Variants in EDEM1 observed in about 807,000 individuals in gnomAD.
EDEM1 encodes the protein ER degradation enhancing alpha-mannosidase like protein 1, also known as ER degradation-enhancing alpha-mannosidase-like protein 1.
A neutral mutation model predicts 74.4 loss-of-function variants in EDEM1; 67 were observed. That is an observed-to-expected ratio of 0.90 (90% confidence interval 0.74 to 1.10). The LOEUF is 1.10. Ranked by LOEUF, EDEM1 falls within the 50% of genes least tolerant of loss-of-function variation. EDEM1 has a pLI of 0.00. For synonymous variants in EDEM1, 382 were observed against 335.9 expected (o/e 1.14, Z -1.50); for missense variants, 926 against 851.6 (o/e 1.09, Z -1.09).
chr3:5,201,603 G>A (rs1340398272), intron 3 of EDEM1, 150 bp from the exon 4 acceptor site: 10 of 769,484 alleles, frequency 1.3e-5, no homozygotes, highest in Non-Finnish European at 2.1e-5. Flanking sequence ...GAGCTAGAAA[G>A]GAATTCAAGA....
chr3:5,213,234 C>G lies in EDEM1; in HGVS notation c.1681-85C>G, dbSNP rs2055188747. The G allele has an allele frequency of 3.9e-5, 53 of 1,354,044 alleles. 1 individual carries two copies. In the South Asian group the frequency reaches 6.2e-4, roughly 16 times the overall value. 83.9% of individuals were successfully genotyped at this position (1,354,044 alleles called of 1,614,324 possible). On this transcript the variant is annotated intron_variant, in intron 10 of 11. Coordinates refer to ENST00000256497, the MANE Select transcript of EDEM1 (RefSeq NM_014674.3). ...GCATGAGGCCCAAGCAAATTCTACT[C>G]CCTGAGTAGCTGGGACACGCCCCCA... is the stretch of plus-strand genomic sequence containing the variant.
At chr3:5,209,582 CTGTT>C (rs975928264) in intron 8 of EDEM1, among the ~76,000 whole-genome samples, 8 of 152,202 alleles carry the variant, frequency 5.3e-5, no homozygotes, top group African/African-American at 1.2e-4. Flanking sequence ...AACTTTTAAA[CTGTT>C]TGTTGGATAA....
At position 5,188,173 on chromosome 3, in the gene EDEM1, C is replaced by G; in HGVS notation, c.368C>G (p.Pro123Arg). ...GAGAAGCGCTACAGCGGCGCCTTCC[C>G]TCCGCAGCTGCGTGCCCAGATGCGC... ...EYEKRYSGAFPPQLRAQMRDL... is the reference protein window; with the variant it reads ...EYEKRYSGAFRPQLRAQMRDL... Residue 123 changes from proline (P) to arginine (R), a missense_variant, in exon 1 of 12, where the codon CCT becomes CGT. By Grantham distance (103) the Pro-to-Arg change is moderately radical (BLOSUM62 -2). Transcript: ENST00000256497. The G allele has an allele frequency of 6.4e-7, 1 of 1,560,014 alleles. No individual in the cohort carries two copies. Among genetic ancestry groups the G allele is most frequent in the South Asian group, 1.2e-5 (1 of 84,438 alleles).
At chr3:5,212,542 T>TG (rs774822466) in intron 10 of EDEM1, among the ~76,000 whole-genome samples, 47 of 152,362 alleles carry the variant, frequency 3.1e-4, no homozygotes, top group South Asian at 1.0e-3. Context: ...GGAAAACCTG[T>TG]GGTCTACCCT....
At chr3:5,196,084 G>T (rs1200315209) in intron 2 of EDEM1, among the ~76,000 whole-genome samples, 1 of 152,178 alleles carries the variant, frequency 6.6e-6, no homozygotes, top group Non-Finnish European at 1.5e-5. Flanking sequence ...TCTTATTGCA[G>T]TCTAGCCCAA....
intron 1 of EDEM1, among the ~76,000 whole-genome samples, chr3:5,192,829 TAA>T (rs1426326308): frequency 1.3e-5 from 2 of 152,128 alleles, no homozygotes; most frequent in African/African-American, 4.8e-5. Flanking sequence ...AAGAAAGAAT[TAA>T]AAGTGTTCTA....
Position 5,205,136 on chromosome 3 carries a change from C to T in EDEM1, c.1112C>T (p.Ser371Phe). The T allele has an allele frequency of 6.2e-7, 1 of 1,614,208 alleles. No individual in the cohort carries two copies. The highest frequency in any genetic ancestry group is 1.1e-5 in the South Asian group (1 of 91,088). Residue 371 changes from serine (S) to phenylalanine (F), a missense_variant, in exon 6 of 12, where the codon TCC becomes TTC. Physicochemically the swap from Ser to Phe is radical, Grantham distance 155 (BLOSUM62 -2). Coordinates refer to ENST00000256497, the MANE Select transcript of EDEM1 (RefSeq NM_014674.3). ...AGTGGCCTGGGTGCCGGGCTGGACTCCTTCTATGAATACCTCTTGAAATCT... is the reference window on the plus strand; with the variant it reads ...AGTGGCCTGGGTGCCGGGCTGGACTTCTTCTATGAATACCTCTTGAAATCT... ...KQSGLGAGLD[S>F]FYEYLLKSYI...
chr3:5,211,090 G>A (rs1486772490), intron 9 of EDEM1, 30 bp from the exon 10 acceptor site: 4 of 1,606,226 alleles, frequency 2.5e-6, no homozygotes, highest in Non-Finnish European at 3.4e-6. Flanking sequence ...AAGGAAGAGA[G>A]GCAGGACTGA....
chr3:5,198,950 G>A (rs74837079), intron 2 of EDEM1, among the ~76,000 whole-genome samples: 3,244 of 152,152 alleles, frequency 0.021, 102 homozygotes, highest in African/African-American at 0.074. Context: ...GTGTGACGTC[G>A]TATCTACATA....
Position 5,207,153 on chromosome 3 carries a change from G to A in EDEM1, c.1218G>A (p.Gly406=). 1 of 1,613,944 alleles carries A rather than the reference G, an allele frequency of 6.2e-7. No individual in the cohort carries two copies. Among genetic ancestry groups the A allele is most frequent in the Non-Finnish European group, 8.5e-7 (1 of 1,179,958 alleles). The change falls in exon 7 of 12, where the codon GGG becomes GGA. Residue 406 remains glycine (G), a splice_region_variant and synonymous_variant. Coordinates refer to ENST00000256497, the MANE Select transcript of EDEM1 (RefSeq NM_014674.3). ...CTGAATGTGCTGCTTGGGTTTGCAG[G>A]CGGGAAGCCTGCAATGAAGGAGAAG... ...YQSIQNYLRR[G]REACNEGEGD...
At position 5,193,246 on chromosome 3, in the gene EDEM1, C is replaced by T. The variant is rs1346072719; in HGVS notation, c.510-1963C>T. On this transcript the variant is annotated intron_variant, in intron 1 of 11. Coordinates refer to ENST00000256497, the MANE Select transcript of EDEM1 (RefSeq NM_014674.3). Reference sequence around the variant, plus strand: ...TGTTGAAGCCCACTCTGTTTCTAAGCGGCAGAGCAACAGAGTGAAATATTT... The same window carrying T: ...TGTTGAAGCCCACTCTGTTTCTAAGTGGCAGAGCAACAGAGTGAAATATTT... Among the ~76,000 whole-genome samples the T allele has an allele frequency of 2.0e-5, 3 of 152,110 alleles. No homozygotes were observed. The East Asian group carries it at 5.8e-4, about 29-fold the overall frequency.
At chr3:5,190,614 G>C (rs1351069608) in intron 1 of EDEM1, among the ~76,000 whole-genome samples, 2 of 152,196 alleles carry the variant, frequency 1.3e-5, no homozygotes, top group Non-Finnish European at 2.9e-5. Flanking sequence ...TTATGCGTAA[G>C]TTAAGGTCAG....
intron 10 of EDEM1, among the ~76,000 whole-genome samples, chr3:5,212,502 C>CT (rs1483343021): frequency 6.6e-6 from 1 of 152,198 alleles, no homozygotes; most frequent in Non-Finnish European, 1.5e-5. Flanking sequence ...GGAGGGTGTG[C>CT]TAGCTGAAAG....
Position 5,219,503 on chromosome 3 carries a change from G to T in EDEM1, c.*3585G>T, listed in dbSNP as rs976177652. On this transcript the variant is annotated 3_prime_UTR_variant, in exon 12 of 12. Coordinates refer to ENST00000256497, the MANE Select transcript of EDEM1 (RefSeq NM_014674.3). ...TGTCCCAGGTTTCACAGGGCTCAGG[G>T]TTATGCTCCCGCTTGAATCTGGACG... is the stretch of plus-strand genomic sequence containing the variant. 1 of 152,186 alleles carries T rather than the reference G, an allele frequency of 6.6e-6. No homozygotes were observed. Among genetic ancestry groups the T allele is most frequent in the Admixed American group, 6.5e-5 (1 of 15,272 alleles). The allele number at this position is 152,186 out of a possible 1,614,324, so 9.4% of individuals were successfully genotyped here.
intron 2 of EDEM1, among the ~76,000 whole-genome samples, chr3:5,196,920 C>CTT (rs1376729577): frequency 0.013 from 2,008 of 149,248 alleles, 51 homozygotes; most frequent in African/African-American, 0.048. Flanking sequence ...GTCGTCTTTT[C>CTT]TTTTCTTTTC....
intron 6 of EDEM1, among the ~76,000 whole-genome samples, 164 bp downstream of exon 6, chr3:5,205,405 A>G (rs2055084919): frequency 6.6e-6 from 1 of 152,158 alleles, no homozygotes; most frequent in Non-Finnish European, 1.5e-5. Context: ...GAGCTGTGTT[A>G]TCTTTCTGTC....
rs1389529357 is a variant in EDEM1 at position 5,208,199 on chromosome 3, C to T, written c.1445C>T (p.Ala482Val). Residue 482 changes from alanine to valine, a missense_variant, in exon 8 of 12, where the codon GCC (alanine) becomes GTC (valine). Ala to Val is a moderately conservative substitution (Grantham distance 64). Coordinates refer to ENST00000256497, the MANE Select transcript of EDEM1 (RefSeq NM_014674.3). Reference sequence around the variant, plus strand: ...GAGAGATATAACTGGCAGCTGCAGGCCCCTGACGTTCTCTTCTACCCACTG... The same window carrying T: ...GAGAGATATAACTGGCAGCTGCAGGTCCCTGACGTTCTCTTCTACCCACTG... ...LPERYNWQLQ[A>V]PDVLFYPLRP... 1 of 1,613,900 alleles carries T rather than the reference C, an allele frequency of 6.2e-7. No individual in the cohort carries two copies. The highest frequency in any genetic ancestry group is 1.7e-5 in the Admixed American group (1 of 59,960).
chr3:5,215,906 T>C lies in EDEM1; in HGVS notation c.1962T>C (p.Val654=). The change falls in exon 12 of 12, where the codon GTT becomes GTC. Residue 654 remains valine (V), a synonymous_variant. Transcript: ENST00000256497. ...SIYMRQIDQM[V]GLI ...ACATGCGACAGATTGACCAGATGGT[T>C]GGTTTGATTTGATCTGCTCTCTGTG... The C allele has an allele frequency of 6.2e-7, 1 of 1,612,936 alleles. No homozygotes were observed. Among genetic ancestry groups the C allele is most frequent in the Non-Finnish European group, 8.5e-7 (1 of 1,179,554 alleles).
At chr3:5,188,780 C>G (rs1179639803) in intron 1 of EDEM1, among the ~76,000 whole-genome samples, 2 of 152,208 alleles carry the variant, frequency 1.3e-5, no homozygotes, top group African/African-American at 4.8e-5. Context: ...ACACCCACGT[C>G]TTTTCTATGT....
Sources: gnomAD v4.1 joint callset for allele counts (sites outside exome capture counted in the v4.1 genomes callset) on GRCh38, gnomAD v4.1.1 for gene constraint, MANE v1.5 for transcripts, NCBI Gene and HGNC (gene_info 2026-07-23, HGNC 2026-07-21) for gene names.